CHMP5: variants seen among roughly 807,000 people sequenced by gnomAD.
CHMP5 encodes charged multivesicular body protein 5, also known as SNF7 domain containing 2.
Under a neutral mutation model 33.0 loss-of-function variants are expected in CHMP5, and 17 were observed. That is an observed-to-expected ratio of 0.52 (90% CI 0.35 to 0.77). The LOEUF (loss-of-function observed/expected upper bound fraction) is 0.77. Among genes scored for constraint, CHMP5 ranks in the 30% least tolerant of loss-of-function variants. The probability of loss-of-function intolerance (pLI) is 0.01; values close to 1 mark genes in which losing one functional copy is unlikely to be tolerated. For missense variants in CHMP5, 216 were observed against 261.5 expected, an observed-to-expected ratio of 0.83 and a Z score of 1.20; for synonymous variants, 76 against 90.2, an observed-to-expected ratio of 0.84 and a Z score of 0.89.
chr9:33,276,658 T>C, intron 6 of CHMP5, 94 bp downstream of exon 6: 1 of 707,120 alleles, frequency 1.4e-6, no homozygotes, highest in Non-Finnish European at 2.5e-6. Flanking sequence ...AAAATTTCTA[T>C]CAGGATTTCC....
In CHMP5 at chr9:33,278,215, C is replaced by G; in HGVS notation, c.599C>G (p.Thr200Arg). The change falls in exon 7 of 8, where the codon ACA becomes AGA. Residue 200 changes from threonine to arginine, a missense_variant. Physicochemically the swap from Thr to Arg is moderately conservative, Grantham distance 71. Transcript: ENST00000223500. ...ATTCCAGAAGGTGTTCCCACTGATACAAAAAACAAGGTGAAAGCTTTTTCT... is the reference window on the plus strand; with the variant it reads ...ATTCCAGAAGGTGTTCCCACTGATAGAAAAAACAAGGTGAAAGCTTTTTCT... ...PAIPEGVPTD[T>R]KNKDGVLVDE... 6.2e-7 allele frequency: 1 copy of G among 1,600,330 alleles called. No individual in the cohort carries two copies. Among genetic ancestry groups the G allele is most frequent in the Non-Finnish European group, 8.6e-7 (1 of 1,169,178 alleles).
chr9:33,275,982 C>A (rs1266380424), intron 5 of CHMP5, among the ~76,000 whole-genome samples: 1 of 152,104 alleles, frequency 6.6e-6, no homozygotes, highest in African/African-American at 2.4e-5. Context: ...GCACTCCAGC[C>A]TGGGTGACAA....
At chr9:33,276,670 G>C in intron 6 of CHMP5, 106 bp downstream of exon 6, 1 of 675,066 alleles carries the variant, frequency 1.5e-6, no homozygotes, top group Non-Finnish European at 2.6e-6. Context: ...AGGATTTCCT[G>C]AAGGTTAGTT....
intron 3 of CHMP5, among the ~76,000 whole-genome samples, chr9:33,269,393 A>G (rs1211664188): frequency 3.3e-5 from 5 of 152,170 alleles, no homozygotes; most frequent in Non-Finnish European, 5.9e-5. Context: ...AATCCCACCT[A>G]CTTGGGAGGC....
rs1000289708 is a variant in CHMP5 at position 33,276,647 on chromosome 9, G to T, written c.496+83G>T. On this transcript the variant is annotated intron_variant, in intron 6 of 7. Coordinates refer to ENST00000223500, the MANE Select transcript of CHMP5 (RefSeq NM_016410.6). ...CTGGGACCTTTTCTCAAATGCTAGT[G>T]AAAATTTCTATCAGGATTTCCTGAA... 4.6e-5 allele frequency: 34 copies of T among 742,944 alleles called. 1 individual carries two copies. Among genetic ancestry groups the T allele is most frequent in the Non-Finnish European group, 7.2e-5 (31 of 433,412 alleles). The allele number at this position is 742,944 out of a possible 1,614,324, so 46.0% of individuals were successfully genotyped here. A position where few individuals can be genotyped will look rare whatever the true frequency, so the allele number is the denominator to read the frequency against.
chr9:33,278,301 A>C (rs1353575914), intron 7 of CHMP5, 76 bp downstream of exon 7: 1 of 884,768 alleles, frequency 1.1e-6, no homozygotes, highest in Non-Finnish European at 1.8e-6. Flanking sequence ...TGGGAATCTA[A>C]AAGGTAGTCT....
chr9:33,265,679 T>C (rs967501191), intron 1 of CHMP5, among the ~76,000 whole-genome samples: 9 of 152,208 alleles, frequency 5.9e-5, no homozygotes, highest in African/African-American at 1.9e-4. Flanking sequence ...ACTGGCCCAT[T>C]TCATGTGCCT....
Position 33,281,078 on chromosome 9 carries a change from G to C in CHMP5, c.*219G>C. The C allele has an allele frequency of 2.3e-6, 1 of 438,602 alleles. No homozygotes were observed. Among genetic ancestry groups the C allele is most frequent in the South Asian group, 5.4e-5 (1 of 18,658 alleles). 27.2% of individuals were successfully genotyped at this position (438,602 alleles called of 1,614,324 possible). On this transcript the variant is annotated 3_prime_UTR_variant, in exon 8 of 8. Transcript: ENST00000223500. ...GATTCCTTTTTTTCTTATGAAAAAC[G>C]AACTCAGTTTAAAAGTATTTTTAGC...
Position 33,280,877 on chromosome 9 carries a change from A to G in CHMP5, c.*18A>G. The stretch of plus-strand genomic sequence containing the variant: ...CTTCATAGATTTGCATCATTCAAGC[A>G]TATCTTGTAAAACAAACACATATTA... On this transcript the variant is annotated 3_prime_UTR_variant, in exon 8 of 8. Coordinates refer to ENST00000223500, the MANE Select transcript of CHMP5 (RefSeq NM_016410.6). 1.9e-6 allele frequency: 3 copies of G among 1,601,124 alleles called. No homozygotes were observed. The highest frequency in any genetic ancestry group is 2.6e-6 in the Non-Finnish European group (3 of 1,173,374).
chr9:33,269,724 C>T (rs1032859998), intron 3 of CHMP5, among the ~76,000 whole-genome samples: 6 of 152,222 alleles, frequency 3.9e-5, no homozygotes, highest in African/African-American at 1.2e-4. Flanking sequence ...CCTGTAATCC[C>T]AGCACTTTGG....
At chr9:33,268,077 A>T (rs539253290) in intron 3 of CHMP5, among the ~76,000 whole-genome samples, 178 bp downstream of exon 3, 2 of 152,240 alleles carry the variant, frequency 1.3e-5, no homozygotes, top group Non-Finnish European at 2.9e-5. Flanking sequence ...CTTCCATCTA[A>T]ATAGAACTTT....
At chr9:33,278,333 C>T in intron 7 of CHMP5, 108 bp downstream of exon 7, 1 of 678,184 alleles carries the variant, frequency 1.5e-6, no homozygotes, top group Non-Finnish European at 2.5e-6. Context: ...CAAAGAAAGA[C>T]AGTCCTGGTC....
chr9:33,269,944 A>G (rs560045118), intron 3 of CHMP5, among the ~76,000 whole-genome samples: 6 of 152,316 alleles, frequency 3.9e-5, no homozygotes, highest in Middle Eastern at 3.4e-3. Flanking sequence ...ATTGCACTCC[A>G]GCCTGGGCAA....
intron 5 of CHMP5, 32 bp from the exon 6 acceptor site, chr9:33,276,424 G>A (rs1413302616): frequency 8.1e-7 from 1 of 1,241,386 alleles, no homozygotes; most frequent in African/African-American, 1.5e-5. Context: ...AATGGTAAAT[G>A]AGAGAAAATC....
At chr9:33,272,408 AAAG>A (rs869308984) in intron 5 of CHMP5, among the ~76,000 whole-genome samples, 2 of 151,874 alleles carry the variant, frequency 1.3e-5, no homozygotes, top group Non-Finnish European at 2.9e-5. Context: ...AAAAAAAAAA[AAAG>A]AGAGAAAGCA....
intron 7 of CHMP5, among the ~76,000 whole-genome samples, chr9:33,278,628 C>T (rs1820882980): frequency 6.6e-6 from 1 of 151,476 alleles, no homozygotes. Context: ...TTTTATTTTC[C>T]TTTCTTTTTC....
At chr9:33,269,992 G>T (rs115621320) in intron 3 of CHMP5, among the ~76,000 whole-genome samples, 1,635 of 152,118 alleles carry the variant, frequency 0.011, 26 homozygotes, top group African/African-American at 0.038. Flanking sequence ...AAGATATGCA[G>T]CAACACAGAA....
In CHMP5 at chr9:33,275,531, G is replaced by A. The variant is rs74633185; in HGVS notation, c.388-925G>A. Among the ~76,000 whole-genome samples, 1,314 of 152,108 alleles carry A rather than the reference G, an allele frequency of 8.6e-3. 11 individuals are homozygous for A. The highest frequency in any genetic ancestry group is 0.037 in the South Asian group (178 of 4,808). ...CTCTACACAGTGTAATCTGTCTTTC[G>A]CTGACTTGAGAAGAATAATTTGCTT... On this transcript the variant is annotated intron_variant, in intron 5 of 7. Coordinates refer to ENST00000223500, the MANE Select transcript of CHMP5 (RefSeq NM_016410.6).
chr9:33,270,406 G>A (rs560161688), intron 3 of CHMP5, among the ~76,000 whole-genome samples: 1 of 152,154 alleles, frequency 6.6e-6, no homozygotes, highest in African/African-American at 2.4e-5. Flanking sequence ...ATGCATGACT[G>A]TACATGCAAA....
Sources: allele counts gnomAD v4.1 joint callset (sites outside exome capture counted in the v4.1 genomes callset), GRCh38; gene constraint gnomAD v4.1.1; transcripts MANE v1.5; gene names NCBI Gene and HGNC (gene_info 2026-07-23, HGNC 2026-07-21).